NOP9: variants seen among roughly 807,000 people sequenced by gnomAD.
NOP9 encodes nucleolar protein 9.
A neutral mutation model predicts 63.0 loss-of-function variants in NOP9; 50 were observed. The ratio of observed to expected loss-of-function variants is 0.79; its 90% CI spans 0.63 to 1.00. The LOEUF (loss-of-function observed/expected upper bound fraction) is 1.00, where lower values mean the gene tolerates loss of function less well. Among genes scored for constraint, NOP9 ranks in the 50% least tolerant of loss-of-function variants. NOP9 has a pLI of 0.00. For missense variants in NOP9, 758 were observed against 803.0 expected (o/e 0.94, Z 0.68); for synonymous variants, 343 against 332.8 (o/e 1.03, Z -0.33).
chr14:24,291,494 G>A, the NOP9 span: 1 of 1,551,222 alleles, frequency 6.4e-7, no homozygotes, highest in East Asian at 2.2e-5. Context: ...CTGGGCACTG[G>A]ATGCTACCGC....
rs374532319 is a variant in NOP9 at position 24,300,870 on chromosome 14, A to G, written c.697+13A>G. ...TCCCAATCATCTGGTAAGTATTACA[A>G]GAGGAAAGTGGACCTAGGGGGAAGA... On this transcript the variant is annotated intron_variant, in intron 2 of 9. Coordinates refer to ENST00000267425, the MANE Select transcript of NOP9 (RefSeq NM_174913.3). The G allele has an allele frequency of 1.0e-4, 164 of 1,597,014 alleles. No homozygotes were observed. Among genetic ancestry groups the G allele is most frequent in the Non-Finnish European group, 1.3e-4 (153 of 1,168,624 alleles).
At chr14:24,280,276 G>C in the NOP9 span, among the ~76,000 whole-genome samples, 2 of 152,236 alleles carry the variant, frequency 1.3e-5, no homozygotes, top group African/African-American at 4.8e-5. Context: ...ATATGGTGCT[G>C]GGTGAGCACC....
upstream of NOP9, among the ~76,000 whole-genome samples, chr14:24,295,749 T>G (rs2041238846): frequency 6.6e-6 from 1 of 152,188 alleles, no homozygotes; most frequent in Non-Finnish European, 1.5e-5. Context: ...TTCCTTCCAC[T>G]TTGGAAATCA....
Position 24,304,925 on chromosome 14 carries a change from G to A in NOP9, c.1754-13G>A. The A allele has an allele frequency of 6.6e-7, 1 of 1,513,972 alleles. No individual in the cohort carries two copies. The allele number at this position is 1,513,972 out of a possible 1,614,324, so 93.8% of individuals were successfully genotyped here. A position where few individuals can be genotyped will look rare whatever the true frequency, so the allele number is the denominator to read the frequency against. The stretch of plus-strand genomic sequence containing the variant: ...AGCATGGTAGTACTAAACATGAGTG[G>A]TTCCCTTTGCAGGGGAGCAGAACCA... On this transcript the variant is annotated splice_polypyrimidine_tract_variant and intron_variant, in intron 9 of 9. Coordinates refer to ENST00000267425, the MANE Select transcript of NOP9 (RefSeq NM_174913.3).
rs1409013260 is a variant in NOP9 at position 24,300,710 on chromosome 14, C to T, written c.550C>T (p.Leu184=). 6.2e-6 allele frequency: 10 copies of T among 1,613,984 alleles called. No homozygotes were observed. The highest frequency in any genetic ancestry group is 7.6e-6 in the Non-Finnish European group (9 of 1,179,996). ...GPTETLEELV[L]GLAAEVCDDF... Reference sequence around the variant, plus strand: ...CACGGAGACCCTGGAGGAGCTGGTCCTGGGACTAGCCGCTGAGGTGTGTGA... The same window carrying T: ...CACGGAGACCCTGGAGGAGCTGGTCTTGGGACTAGCCGCTGAGGTGTGTGA... The change falls in exon 2 of 10, where the codon CTG becomes TTG. Residue 184 remains leucine (L), a synonymous_variant. Transcript: ENST00000267425.
Position 24,307,811 on chromosome 14 carries a change from C to T in NOP9, c.*2716C>T. 2 of 1,592,878 alleles carry T rather than the reference C, an allele frequency of 1.3e-6. No homozygotes were observed. Among genetic ancestry groups the T allele is most frequent in the Non-Finnish European group, 8.6e-7 (1 of 1,169,090 alleles). On this transcript the variant is annotated 3_prime_UTR_variant, in exon 10 of 10. Coordinates refer to ENST00000267425, the MANE Select transcript of NOP9 (RefSeq NM_174913.3). ...GGTGGAGGGTAGAGCGGAGGGTTAG[C>T]AGTCACCTGAGTAAGTCACTGGGGT...
chr14:24,281,008 G>A, the NOP9 span, among the ~76,000 whole-genome samples: 1 of 152,198 alleles, frequency 6.6e-6, no homozygotes, highest in Non-Finnish European at 1.5e-5. Flanking sequence ...GAGAATGCCT[G>A]GAACTGCTGA....
Position 24,305,557 on chromosome 14 carries a change from T to C in NOP9, c.*462T>C, listed in dbSNP as rs770097391. 137 of 1,538,554 alleles carry C rather than the reference T, an allele frequency of 8.9e-5. No homozygotes were observed. The highest frequency in any genetic ancestry group is 1.1e-4 in the Non-Finnish European group (131 of 1,140,618). ...TTATCTAGCCTGTACTGTCTGCAGG[T>C]CCTGAAATTTGATGCTGTCATAGTC... On this transcript the variant is annotated 3_prime_UTR_variant, in exon 10 of 10. Transcript: ENST00000267425.
chr14:24,295,593 A>G (rs1382326150), upstream of NOP9, among the ~76,000 whole-genome samples: 1 of 152,220 alleles, frequency 6.6e-6, no homozygotes, highest in Non-Finnish European at 1.5e-5. Context: ...TCTCTGCTTC[A>G]GGGTCAAAAC....
chr14:24,293,700 G>A, the NOP9 span: 4 of 152,128 alleles, frequency 2.6e-5, no homozygotes, highest in African/African-American at 9.6e-5. Context: ...ATATTAAAAT[G>A]CACAGGGGCC....
chr14:24,296,062 C>T (rs994300120), upstream of NOP9, among the ~76,000 whole-genome samples: 5 of 152,206 alleles, frequency 3.3e-5, no homozygotes, highest in African/African-American at 7.2e-5. Context: ...AACTCTGACC[C>T]GGCAGTGCCC....
upstream of NOP9, among the ~76,000 whole-genome samples, chr14:24,297,141 T>G (rs1364759498): frequency 6.6e-6 from 1 of 152,252 alleles, no homozygotes. Context: ...GCCCACCATG[T>G]GCACAGCATT....
At chr14:24,295,717 A>G (rs537580906), upstream of NOP9, among the ~76,000 whole-genome samples, 4 of 152,184 alleles carry the variant, frequency 2.6e-5, no homozygotes, top group Non-Finnish European at 5.9e-5. Flanking sequence ...TGGCCTCACC[A>G]TCCTCCTCTG....
chr14:24,283,603 C>CAATA, the NOP9 span, among the ~76,000 whole-genome samples: 9 of 152,070 alleles, frequency 5.9e-5, no homozygotes, highest in South Asian at 2.1e-4. Context: ...GACCCTGCCT[C>CAATA]AATAAATAAA....
chr14:24,278,559 G>T, the NOP9 span, among the ~76,000 whole-genome samples: 1 of 152,298 alleles, frequency 6.6e-6, no homozygotes, highest in East Asian at 1.9e-4. Flanking sequence ...ATGTGGTATT[G>T]AATAGGGACA....
chr14:24,301,101 T>A (rs897720796), intron 2 of NOP9, among the ~76,000 whole-genome samples: 6 of 152,184 alleles, frequency 3.9e-5, no homozygotes, highest in Non-Finnish European at 7.3e-5. Flanking sequence ...GAATTTTTTT[T>A]AAGCATGACT....
chr14:24,303,961 T>C, intron 7 of NOP9, 80 bp from the exon 8 acceptor site: 1 of 1,579,858 alleles, frequency 6.3e-7, no homozygotes, highest in Non-Finnish European at 8.7e-7. Flanking sequence ...TTCATCCAGG[T>C]GGAGGTGGCA....
chr14:24,285,671 A>G, the NOP9 span, among the ~76,000 whole-genome samples: 1 of 152,292 alleles, frequency 6.6e-6, no homozygotes, highest in Admixed American at 6.5e-5. Context: ...AGCCATGTGA[A>G]TGTGTTACCT....
Position 24,302,236 on chromosome 14 carries a change from C to G in NOP9, c.955C>G (p.Leu319Val), listed in dbSNP as rs201894673. 6.2e-7 allele frequency: 1 copy of G among 1,611,568 alleles called. No homozygotes were observed. The highest frequency in any genetic ancestry group is 1.3e-5 in the African/African-American group (1 of 74,900). Residue 319 changes from leucine to valine, a missense_variant, in exon 5 of 10, where the codon CTA becomes GTA. Leu to Val is a conservative substitution (Grantham distance 32). Transcript: ENST00000267425. ...TGATGCCCTTCTTGTCCCTAGTCCC[C>G]TACTGCTATTTCTCCGAGATCAGAC... ...TRGSSVDGSPLLLFLRDQTSS... is the reference protein window; with the variant it reads ...TRGSSVDGSPVLLFLRDQTSS...
Sources: allele counts gnomAD v4.1 joint callset (sites outside exome capture counted in the v4.1 genomes callset), GRCh38; gene constraint gnomAD v4.1.1; transcripts MANE v1.5; gene names NCBI Gene and HGNC (gene_info 2026-07-23, HGNC 2026-07-21).